Variants in TFEC observed in about 807,000 individuals in gnomAD.
TFEC encodes the protein transcription factor EC, also known as class E basic helix-loop-helix protein 34.
Under a neutral mutation model 41.6 loss-of-function variants are expected in TFEC, and 31 were observed. The ratio of observed to expected loss-of-function variants is 0.74; its 90% CI spans 0.56 to 1.01. TFEC has a LOEUF of 1.01. Ranked by LOEUF, TFEC falls within the 50% of genes least tolerant of loss-of-function variation. The pLI is 0.00. For synonymous variants in TFEC, 143 were observed against 140.6 expected (o/e 1.02, Z -0.12); for missense variants, 402 against 404.1 (o/e 0.99, Z 0.04).
At chr7:116,096,059 T>A (rs1434878662) in intron 3 of TFEC, among the ~76,000 whole-genome samples, 1 of 152,202 alleles carries the variant, frequency 6.6e-6, no homozygotes, top group East Asian at 1.9e-4. Context: ...TTAATACGTC[T>A]TAAATATAAC....
chr7:115,946,634 CTCTT>C lies in TFEC; in HGVS notation c.515+4236_515+4239del, dbSNP rs968413316. 1.7e-4 allele frequency among the ~76,000 whole-genome samples: 22 copies of C among 127,228 alleles called. 1 individual carries two copies. The South Asian group carries it at 2.2e-3, about 13-fold the overall frequency. 83.5% of individuals were successfully genotyped at this position (127,228 alleles called of 152,430 possible). On this transcript the variant is annotated intron_variant, in intron 6 of 7. Coordinates refer to ENST00000265440, the MANE Select transcript of TFEC (RefSeq NM_012252.4). ...TTTCTTTCTTTCTTTCTCTCTCTCT[CTCTT>C]TATTTTCTTTTTCTTTCTTTCCTTC...
chr7:116,005,304 T>C (rs943931447), intron 1 of TFEC, among the ~76,000 whole-genome samples: 1 of 152,028 alleles, frequency 6.6e-6, no homozygotes, highest in African/African-American at 2.4e-5. Context: ...TGTGGGAAAG[T>C]TTGGAACTTC....
upstream of TFEC, among the ~76,000 whole-genome samples, chr7:116,034,086 G>T (rs145189362): frequency 1.3e-5 from 2 of 151,984 alleles, no homozygotes; most frequent in Non-Finnish European, 2.9e-5. Context: ...TGCCTTTAAT[G>T]CCCTTTTTAT....
intron 1 of TFEC, among the ~76,000 whole-genome samples, chr7:116,128,753 G>A (rs933270973): frequency 5.9e-5 from 9 of 152,118 alleles, no homozygotes; most frequent in Admixed American, 2.0e-4. Context: ...GATAGTTTGA[G>A]ATGTGTGTTT....
At chr7:115,994,217 A>G (rs2130737458) in intron 1 of TFEC, among the ~76,000 whole-genome samples, 1 of 152,306 alleles carries the variant, frequency 6.6e-6, no homozygotes, top group East Asian at 1.9e-4. Flanking sequence ...AAGATGGATT[A>G]AAGACTTAAA....
At chr7:116,014,878 A>T (rs1448820460) in intron 1 of TFEC, among the ~76,000 whole-genome samples, 1 of 152,094 alleles carries the variant, frequency 6.6e-6, no homozygotes, top group Non-Finnish European at 1.5e-5. Context: ...CAGCCTCTAG[A>T]TGCTGGAAAA....
intron 3 of TFEC, among the ~76,000 whole-genome samples, chr7:116,094,679 C>CAAACA (rs1242272785): frequency 1.3e-5 from 2 of 151,988 alleles, no homozygotes; most frequent in East Asian, 1.9e-4. Flanking sequence ...GACTCCGTTT[C>CAAACA]AAACAAAACA....
At chr7:116,075,506 T>C (rs761727077) in intron 3 of TFEC, among the ~76,000 whole-genome samples, 4 of 152,124 alleles carry the variant, frequency 2.6e-5, no homozygotes, top group Non-Finnish European at 5.9e-5. Flanking sequence ...GGTCACCAGC[T>C]GCCTGGAAAC....
chr7:116,012,970 G>A (rs909655908), intron 1 of TFEC, among the ~76,000 whole-genome samples: 1 of 151,740 alleles, frequency 6.6e-6, no homozygotes, highest in Non-Finnish European at 1.5e-5. Context: ...GTCATGATTA[G>A]AACTGCAGTA....
chr7:116,110,198 A>G (rs1797821586), intron 3 of TFEC, among the ~76,000 whole-genome samples: 1 of 152,216 alleles, frequency 6.6e-6, no homozygotes, highest in Non-Finnish European at 1.5e-5. Flanking sequence ...CACATTGTGC[A>G]CATGTACCCT....
intron 1 of TFEC, among the ~76,000 whole-genome samples, chr7:115,992,890 A>T (rs1202526894): frequency 1.3e-5 from 2 of 152,186 alleles, no homozygotes; most frequent in African/African-American, 4.8e-5. Context: ...AGCCTGGCAG[A>T]GATACAACAA....
chr7:115,978,250 T>A (rs1198338630), intron 2 of TFEC, among the ~76,000 whole-genome samples: 1 of 152,154 alleles, frequency 6.6e-6, no homozygotes, highest in Non-Finnish European at 1.5e-5. Flanking sequence ...GTGGTATTCA[T>A]ATTAAGCAAT....
chr7:115,969,985 G>C (rs1403654851), intron 3 of TFEC, among the ~76,000 whole-genome samples: 7 of 151,996 alleles, frequency 4.6e-5, no homozygotes, highest in African/African-American at 1.4e-4. Context: ...GCCATGCTAT[G>C]TTTAAGATAC....
intron 3 of TFEC, among the ~76,000 whole-genome samples, chr7:116,055,252 T>C (rs935937181): frequency 7.2e-5 from 11 of 152,124 alleles, no homozygotes; most frequent in African/African-American, 2.4e-4. Flanking sequence ...AAATTTAGCA[T>C]TGTGTTTGAA....
At chr7:116,075,671 G>A (rs1198452106) in intron 3 of TFEC, among the ~76,000 whole-genome samples, 2 of 152,026 alleles carry the variant, frequency 1.3e-5, no homozygotes, top group Non-Finnish European at 2.9e-5. Context: ...TAACCCCTAG[G>A]AACATAATTC....
chr7:116,067,503 T>C (rs972945269), intron 3 of TFEC, among the ~76,000 whole-genome samples: 1 of 152,172 alleles, frequency 6.6e-6, no homozygotes, highest in Middle Eastern at 3.4e-3. Context: ...TATCCATGAC[T>C]ATAAGCATTT....
chr7:116,146,037 AT>A (rs1259696386), intron 1 of TFEC, among the ~76,000 whole-genome samples: 1 of 152,212 alleles, frequency 6.6e-6, no homozygotes, highest in Non-Finnish European at 1.5e-5. Context: ...TCCAGCAATA[AT>A]GGAAGACAAG....
chr7:116,121,318 T>C (rs1450970488), intron 1 of TFEC: 1 of 152,006 alleles, frequency 6.6e-6, no homozygotes, highest in Non-Finnish European at 1.5e-5. Context: ...TTTTGCCACA[T>C]ATTGCAAAAG....
intron 3 of TFEC, among the ~76,000 whole-genome samples, chr7:116,110,035 T>A (rs1306060808): frequency 6.6e-6 from 1 of 151,788 alleles, no homozygotes. Flanking sequence ...ATGAGAACAC[T>A]TGGACACAGG....
Sources: allele counts gnomAD v4.1 joint callset (sites outside exome capture counted in the v4.1 genomes callset), GRCh38; gene constraint gnomAD v4.1.1; transcripts MANE v1.5; gene names NCBI Gene and HGNC (gene_info 2026-07-23, HGNC 2026-07-21).